The following ZNF90 variants were observed in gnomAD, a reference collection of about 807,000 sequenced individuals.
ZNF90 encodes the protein zinc finger protein HTF9.
A neutral mutation model predicts 12.0 loss-of-function variants in ZNF90; 11 were observed. That is an observed-to-expected ratio of 0.92 (90% confidence interval 0.58 to 1.52). ZNF90 has a LOEUF of 1.52. Among genes scored for constraint, ZNF90 ranks in the 40% most tolerant of loss-of-function variants. The pLI, the probability that ZNF90 is intolerant of heterozygous loss-of-function variation, is 0.00. For missense variants in ZNF90, 765 were observed against 711.5 expected (o/e 1.08, Z -0.86); for synonymous variants, 232 against 240.1 (o/e 0.97, Z 0.31).
chr19:20,082,280 T>TTCTTATTATTTAGC (rs1331912232), intron 1 of ZNF90, among the ~76,000 whole-genome samples: 1 of 152,186 alleles, frequency 6.6e-6, no homozygotes, highest in Non-Finnish European at 1.5e-5. Context: ...TGTTCATGTG[T>TTCTTATTATTTAGC]TCTTATTATT....
At chr19:20,117,456 C>G (rs1157018072) in intron 3 of ZNF90, 1 of 162,188 alleles carries the variant, frequency 6.2e-6, no homozygotes, top group Non-Finnish European at 1.3e-5. Context: ...TCCCTCCCTC[C>G]TTCCTTCTTC....
chr19:20,089,498 C>T (rs1002877178), intron 1 of ZNF90, among the ~76,000 whole-genome samples: 2 of 152,040 alleles, frequency 1.3e-5, no homozygotes, highest in Non-Finnish European at 2.9e-5. Context: ...AGTAAAGGAA[C>T]ATCGAGAAGG....
chr19:20,095,377 C>T (rs1170376294), intron 1 of ZNF90, among the ~76,000 whole-genome samples: 3 of 151,894 alleles, frequency 2.0e-5, no homozygotes, highest in South Asian at 2.1e-4. Context: ...GAAAATAAGG[C>T]ATTTAGGTTT....
intron 1 of ZNF90, among the ~76,000 whole-genome samples, chr19:20,079,306 GT>G (rs34761787): frequency 0.14 from 18,907 of 135,780 alleles, 2,593 homozygotes; most frequent in African/African-American, 0.35. Context: ...CAAAAGGAGG[GT>G]TTTTTTTTTT....
intron 1 of ZNF90, among the ~76,000 whole-genome samples, chr19:20,081,873 T>C (rs2088822753): frequency 6.6e-6 from 1 of 151,688 alleles, no homozygotes; most frequent in Non-Finnish European, 1.5e-5. Context: ...CACACTATTC[T>C]CCTGCCTCAG....
At chr19:20,101,647 T>C (rs904716069) in intron 1 of ZNF90, among the ~76,000 whole-genome samples, 15 of 152,192 alleles carry the variant, frequency 9.9e-5, no homozygotes, top group African/African-American at 3.6e-4. Context: ...TGCCATTTGT[T>C]GTCATGCTAG....
chr19:20,079,097 C>T (rs976956068), intron 1 of ZNF90, among the ~76,000 whole-genome samples: 2 of 137,594 alleles, frequency 1.5e-5, no homozygotes, highest in Non-Finnish European at 3.0e-5. Flanking sequence ...CCAGCATGCG[C>T]GACAGAGGGA....
chr19:20,109,033 T>C (rs186871636), intron 3 of ZNF90, among the ~76,000 whole-genome samples: 10 of 152,298 alleles, frequency 6.6e-5, no homozygotes, highest in African/African-American at 2.2e-4. Flanking sequence ...TCAGTGTAGG[T>C]TTCTTAACAT....
intron 1 of ZNF90, among the ~76,000 whole-genome samples, chr19:20,080,968 C>T (rs2088815832): frequency 1.3e-5 from 2 of 152,306 alleles, no homozygotes; most frequent in South Asian, 4.2e-4. Context: ...CTCTCCTGTA[C>T]ACAGGCTGTC....
In ZNF90 at chr19:20,119,620, T is replaced by TTA; in HGVS notation, c.*261_*262insAT. 2 of 331,852 alleles carry TTA rather than the reference T, an allele frequency of 6.0e-6. No individual in the cohort carries two copies. The highest frequency in any genetic ancestry group is 1.1e-5 in the Non-Finnish European group (2 of 186,922). The allele number at this position is 331,852 out of a possible 1,614,324, so 20.6% of individuals were successfully genotyped here. A position where few individuals can be genotyped will look rare whatever the true frequency, so the allele number is the denominator to read the frequency against. On this transcript the variant is annotated 3_prime_UTR_variant, in exon 4 of 4. Transcript: ENST00000418063. ...AGCAAAGCCTATAACAAGTTCTCAA[T>TTA]TCTTTTTTTTTTTTTTTAAGAAGGA...
At chr19:20,080,472 T>G in intron 1 of ZNF90, 1 of 285,562 alleles carries the variant, frequency 3.5e-6, no homozygotes, top group East Asian at 1.1e-4. Context: ...CTTCTGCTTC[T>G]TGTGGTAGGG....
At chr19:20,098,252 A>C (rs1006100445) in intron 1 of ZNF90, among the ~76,000 whole-genome samples, 9 of 152,332 alleles carry the variant, frequency 5.9e-5, no homozygotes, top group Non-Finnish European at 1.3e-4. Flanking sequence ...TTTACAAAAA[A>C]GGGTGGGAGT....
At chr19:20,097,983 ATCT>A (rs1257176953) in intron 1 of ZNF90, among the ~76,000 whole-genome samples, 1 of 152,220 alleles carries the variant, frequency 6.6e-6, no homozygotes, top group Non-Finnish European at 1.5e-5. Context: ...GTCTTTACAA[ATCT>A]TCTTGTAACT....
At chr19:20,114,239 C>A (rs1161476066) in intron 3 of ZNF90, among the ~76,000 whole-genome samples, 1 of 152,116 alleles carries the variant, frequency 6.6e-6, no homozygotes, top group Non-Finnish European at 1.5e-5. Context: ...TGCAGTGAAC[C>A]GATATTGTGC....
At chr19:20,097,078 T>G (rs1555703349) in intron 1 of ZNF90, among the ~76,000 whole-genome samples, 1 of 152,224 alleles carries the variant, frequency 6.6e-6, no homozygotes, top group African/African-American at 2.4e-5. Flanking sequence ...CTTCTACTTG[T>G]GGACTAATTA....
intron 1 of ZNF90, among the ~76,000 whole-genome samples, chr19:20,085,529 G>A (rs546646414): frequency 6.6e-6 from 1 of 152,072 alleles, no homozygotes; most frequent in Non-Finnish European, 1.5e-5. Context: ...CAAAGTGCTG[G>A]GATTACAGGC....
intron 1 of ZNF90, among the ~76,000 whole-genome samples, chr19:20,093,164 T>C (rs2088915871): frequency 6.6e-6 from 1 of 152,168 alleles, no homozygotes. Context: ...AGTGTACGGG[T>C]TGGGCACCAC....
At position 20,111,873 on chromosome 19, in the gene ZNF90, T is replaced by TC. The variant is rs1169307921; in HGVS notation, c.227-5908_227-5907insC. ...TTAACAGATTTATGCAGATTTTTTT[T>TC]TTTGGGATGGAGTCTCACTCTATTG... On this transcript the variant is annotated intron_variant, in intron 3 of 3. Coordinates refer to ENST00000418063, the MANE Select transcript of ZNF90 (RefSeq NM_007138.2). Among the ~76,000 whole-genome samples, 167 of 152,074 alleles carry TC rather than the reference T, an allele frequency of 1.1e-3. 1 individual carries two copies. The highest frequency in any genetic ancestry group is 3.8e-3 in the African/African-American group (157 of 41,436).
At chr19:20,109,559 A>G (rs2089068490) in intron 3 of ZNF90, among the ~76,000 whole-genome samples, 3 of 152,130 alleles carry the variant, frequency 2.0e-5, no homozygotes. Context: ...AAAATTTACC[A>G]TCTTAAATTT....
Sources: allele counts gnomAD v4.1 joint callset (sites outside exome capture counted in the v4.1 genomes callset), GRCh38; gene constraint gnomAD v4.1.1; transcripts MANE v1.5; gene names NCBI Gene and HGNC (gene_info 2026-07-23, HGNC 2026-07-21).